Variants in PLEKHA6 observed in about 807,000 individuals in gnomAD.
PLEKHA6 encodes pleckstrin homology domain containing A6.
PLEKHA6 carries 60 observed loss-of-function variants against 116.7 expected under a neutral mutation model. The ratio of observed to expected loss-of-function variants is 0.51; its 90% CI spans 0.42 to 0.64. PLEKHA6 has a LOEUF of 0.64. Ranked by LOEUF, PLEKHA6 falls within the 30% of genes least tolerant of loss-of-function variation. The pLI, the probability that PLEKHA6 is intolerant of heterozygous loss-of-function variation, is 0.00. For synonymous variants in PLEKHA6, 489 were observed against 556.1 expected (o/e 0.88, Z 1.70); for missense variants, 1,338 against 1,422.7 (o/e 0.94, Z 0.96).
chr1:204,328,309 C>T (rs368783622), intron 1 of PLEKHA6, among the ~76,000 whole-genome samples: 7 of 151,594 alleles, frequency 4.6e-5, no homozygotes, highest in Middle Eastern at 3.5e-3. Flanking sequence ...CTCAAACTCC[C>T]GACCTCAGGT....
At chr1:204,246,003 G>A (rs1471395328) in intron 13 of PLEKHA6, among the ~76,000 whole-genome samples, 1 of 152,162 alleles carries the variant, frequency 6.6e-6, no homozygotes, top group Admixed American at 6.5e-5. Context: ...GCTCCCTCAG[G>A]GGAAAGATGG....
chr1:204,331,058 A>G (rs532196873), intron 1 of PLEKHA6, among the ~76,000 whole-genome samples: 73 of 152,192 alleles, frequency 4.8e-4, no homozygotes, highest in African/African-American at 1.7e-3. Flanking sequence ...TTAGCCATGC[A>G]TGTTGGCGGC....
chr1:204,235,422 T>C (rs186806294), intron 17 of PLEKHA6, among the ~76,000 whole-genome samples: 1 of 152,162 alleles, frequency 6.6e-6, no homozygotes, highest in Non-Finnish European at 1.5e-5. Context: ...TGAAAGAAAA[T>C]GATGAACTCA....
chr1:204,286,358 A>G (rs1343212044), intron 1 of PLEKHA6, among the ~76,000 whole-genome samples: 1 of 152,150 alleles, frequency 6.6e-6, no homozygotes, highest in Non-Finnish European at 1.5e-5. Flanking sequence ...CCTGCCACGC[A>G]GCAGCCGTGA....
intron 1 of PLEKHA6, among the ~76,000 whole-genome samples, chr1:204,316,912 C>T (rs867228071): frequency 1.3e-5 from 2 of 152,158 alleles, no homozygotes; most frequent in South Asian, 4.1e-4. Flanking sequence ...ATGATGAACC[C>T]CAGACAGATA....
upstream of PLEKHA6, among the ~76,000 whole-genome samples, chr1:204,360,391 C>G (rs1385281768): frequency 6.6e-6 from 1 of 152,002 alleles, no homozygotes; most frequent in Admixed American, 6.5e-5. Context: ...CCGCCCCCCC[C>G]CCAATATGGT....
intron 2 of PLEKHA6, among the ~76,000 whole-genome samples, chr1:204,370,277 CT>C (rs1673748375): frequency 6.6e-6 from 1 of 152,258 alleles, no homozygotes; most frequent in African/African-American, 2.4e-5. Context: ...AAGAAAAGGA[CT>C]CTGAACAAGC....
chr1:204,230,547 C>G lies in PLEKHA6; in HGVS notation c.2449G>C (p.Val817Leu). ...ATCTGCTCCTCCACGCTCATCTTGA[C>G]CTTCCCCTCGCCAGGAAACACAGCA... Reference protein sequence around the residue: ...KSAVFPGEGKVKMSVEEQIDR... With the variant: ...KSAVFPGEGKLKMSVEEQIDR... Residue 817 changes from valine to leucine, a missense_variant, in exon 18 of 23, where the codon GTC (valine) becomes CTC (leucine). Val to Leu is a conservative substitution (Grantham distance 32, BLOSUM62 1). This residue lies in a region of PLEKHA6 where 1,136 missense variants were observed against 1,163.6 expected (regional missense o/e 0.98). Transcript: ENST00000272203. The G allele has an allele frequency of 1.9e-6, 3 of 1,603,270 alleles. No homozygotes were observed. Among genetic ancestry groups the G allele is most frequent in the Non-Finnish European group, 2.6e-6 (3 of 1,175,302 alleles).
chr1:204,345,053 T>C (rs991443314), intron 1 of PLEKHA6, among the ~76,000 whole-genome samples: 1 of 152,178 alleles, frequency 6.6e-6, no homozygotes, highest in African/African-American at 2.4e-5. Flanking sequence ...TGTGGGGAGA[T>C]ACACATTTAT....
At chr1:204,296,942 G>T (rs978278327) in intron 1 of PLEKHA6, 1 of 177,236 alleles carries the variant, frequency 5.6e-6, no homozygotes, top group Admixed American at 6.5e-5. Context: ...GAAAAAGCCT[G>T]CAGTACCATG....
chr1:204,235,894 C>T (rs929931264), intron 17 of PLEKHA6, among the ~76,000 whole-genome samples: 1 of 152,182 alleles, frequency 6.6e-6, no homozygotes, highest in African/African-American at 2.4e-5. Flanking sequence ...CAGTCAAGGC[C>T]TCCCCTGAAG....
At chr1:204,256,712 G>A (rs369074207) in intron 9 of PLEKHA6, 53 of 456,150 alleles carry the variant, frequency 1.2e-4, no homozygotes, top group East Asian at 1.2e-3. Context: ...GGCACAGAGC[G>A]TCCCTGGAGT....
intron 3 of PLEKHA6, among the ~76,000 whole-genome samples, chr1:204,272,987 C>T (rs899125849): frequency 8.5e-5 from 13 of 152,206 alleles, no homozygotes; most frequent in East Asian, 5.8e-4. Flanking sequence ...ACCTCTCCAG[C>T]CTGCCTTCTG....
chr1:204,376,408 C>T (rs10900584), intron 1 of PLEKHA6, among the ~76,000 whole-genome samples: 16,007 of 152,212 alleles, frequency 0.11, 981 homozygotes, highest in Middle Eastern at 0.15. Flanking sequence ...TTTAATATTG[C>T]AGAGGTTCTG....
At chr1:204,229,192 A>G (rs1310186270) in intron 18 of PLEKHA6, 88 bp from the exon 19 acceptor site, 3 of 1,316,066 alleles carry the variant, frequency 2.3e-6, no homozygotes, top group Non-Finnish European at 3.2e-6. Context: ...TTCCCTTCCC[A>G]GCTCGCCTGA....
chr1:204,261,694 C>T lies in PLEKHA6; in HGVS notation c.382-246G>A, dbSNP rs1396224541. ...GCTCTCTGGGCACCATTAGGCAGCC[C>T]AATAACCAGGTCAGCCTACTTGCCC... On this transcript the variant is annotated intron_variant, in intron 6 of 22. Coordinates refer to ENST00000272203, the MANE Select transcript of PLEKHA6 (RefSeq NM_014935.5). This position sits in a 1 kb window ranked among gnomAD's most constrained non-coding sequence, Gnocchi z 4.0. Among the ~76,000 whole-genome samples the T allele has an allele frequency of 6.6e-6, 1 of 152,180 alleles. No homozygotes were observed. Among genetic ancestry groups the T allele is most frequent in the African/African-American group, 2.4e-5 (1 of 41,440 alleles).
intron 1 of PLEKHA6, among the ~76,000 whole-genome samples, chr1:204,300,582 A>C (rs1670717538): frequency 6.6e-6 from 1 of 152,190 alleles, no homozygotes; most frequent in South Asian, 2.1e-4. Context: ...CAAGCCAATA[A>C]ATGATCCCTA....
At chr1:204,345,972 G>C (rs1673027469) in intron 1 of PLEKHA6, among the ~76,000 whole-genome samples, 1 of 152,264 alleles carries the variant, frequency 6.6e-6, no homozygotes, top group Admixed American at 6.5e-5. Flanking sequence ...GAGGAGTACA[G>C]AGAAAAGAAG....
At chr1:204,315,876 G>A (rs1004392351) in intron 1 of PLEKHA6, among the ~76,000 whole-genome samples, 3 of 152,162 alleles carry the variant, frequency 2.0e-5, no homozygotes, top group African/African-American at 7.2e-5. Context: ...CGTTTTAGAG[G>A]GAGTCACATT....
Sources: allele counts gnomAD v4.1 joint callset (sites outside exome capture counted in the v4.1 genomes callset), GRCh38; gene constraint gnomAD v4.1.1; regional missense constraint gnomAD v4.1.1; non-coding constraint Gnocchi (gnomAD v3.1); transcripts MANE v1.5; gene names NCBI Gene and HGNC (gene_info 2026-07-23, HGNC 2026-07-21).